The following ATF1 variants were observed in gnomAD, a reference collection of about 807,000 sequenced individuals.
ATF1 encodes cyclic AMP-dependent transcription factor ATF-1.
In ATF1, 16 loss-of-function variants were observed where a neutral mutation model predicts 34.7. The ratio of observed to expected loss-of-function variants is 0.46; its 90% confidence interval spans 0.31 to 0.70. The LOEUF (loss-of-function observed/expected upper bound fraction) is 0.70, where lower values mean the gene tolerates loss of function less well. ATF1 is among the 30% of genes least tolerant of loss of function. The probability of loss-of-function intolerance (pLI) is 0.05; values close to 1 mark genes in which losing one functional copy is unlikely to be tolerated. For missense variants in ATF1, 255 were observed against 321.6 expected (o/e 0.79, Z 1.58); for synonymous variants, 105 against 113.1 (o/e 0.93, Z 0.46).
chr12:50,780,663 A>AC (rs1555200094), intron 2 of ATF1, among the ~76,000 whole-genome samples: 22 of 151,780 alleles, frequency 1.4e-4, no homozygotes, highest in Middle Eastern at 3.4e-3. Context: ...AAAAAAAAAA[A>AC]AAAACAAAAC....
chr12:50,782,878 T>TG (rs1368876958), intron 2 of ATF1, among the ~76,000 whole-genome samples: 2 of 151,504 alleles, frequency 1.3e-5, no homozygotes, highest in Non-Finnish European at 2.9e-5. Context: ...TTAGTAGAGG[T>TG]GGGGTTTCAC....
intron 3 of ATF1, among the ~76,000 whole-genome samples, chr12:50,804,133 A>G (rs1418480173): frequency 6.6e-6 from 1 of 152,212 alleles, no homozygotes; most frequent in East Asian, 1.9e-4. Context: ...AAAAAGACAA[A>G]GATTATTAGA....
chr12:50,774,811 G>C (rs1223875745), intron 1 of ATF1, among the ~76,000 whole-genome samples: 1 of 148,238 alleles, frequency 6.7e-6, no homozygotes, highest in African/African-American at 2.5e-5. Context: ...CCAGTGGCTT[G>C]ATCTCGGCTC....
intron 2 of ATF1, among the ~76,000 whole-genome samples, chr12:50,789,009 C>T (rs1292902315): frequency 6.6e-6 from 1 of 152,072 alleles, no homozygotes; most frequent in Non-Finnish European, 1.5e-5. Flanking sequence ...AAGTTTCATT[C>T]AGGCATGCGT....
At chr12:50,817,448 A>C (rs1592206559) in intron 6 of ATF1, among the ~76,000 whole-genome samples, 1 of 152,344 alleles carries the variant, frequency 6.6e-6, no homozygotes, top group South Asian at 2.1e-4. Flanking sequence ...TAATTTTAGA[A>C]AATAAATGAT....
At chr12:50,793,035 A>AGCTC (rs1941338328) in intron 2 of ATF1, among the ~76,000 whole-genome samples, 1 of 152,120 alleles carries the variant, frequency 6.6e-6, no homozygotes, top group South Asian at 2.1e-4. Context: ...TTTTAGAAGC[A>AGCTC]GCTCTCCTAG....
chr12:50,807,902 C>T (rs12309321), intron 3 of ATF1, among the ~76,000 whole-genome samples: 7,469 of 151,742 alleles, frequency 0.049, 599 homozygotes, highest in African/African-American at 0.17. Flanking sequence ...CTCCACCTCC[C>T]GGGTTCAAGC....
chr12:50,779,175 G>C (rs761555002), intron 1 of ATF1, among the ~76,000 whole-genome samples: 3 of 152,158 alleles, frequency 2.0e-5, no homozygotes, highest in Non-Finnish European at 2.9e-5. Context: ...ATGAATATTT[G>C]GGTTGCTTCC....
chr12:50,806,471 C>A, intron 3 of ATF1: 1 of 292,640 alleles, frequency 3.4e-6, no homozygotes, highest in South Asian at 3.1e-5. Context: ...GGGCTTTGCT[C>A]CAGCAGATCC....
chr12:50,791,510 G>A (rs1269613899), intron 2 of ATF1, among the ~76,000 whole-genome samples: 2 of 151,790 alleles, frequency 1.3e-5, no homozygotes, highest in Non-Finnish European at 2.9e-5. Flanking sequence ...AGTCTAGATC[G>A]TGCTACTTCA....
intron 3 of ATF1, among the ~76,000 whole-genome samples, chr12:50,802,388 G>T (rs994427402): frequency 1.3e-5 from 2 of 152,080 alleles, no homozygotes; most frequent in Admixed American, 1.3e-4. Context: ...AGCCAGGCCT[G>T]GTGGCACGCG....
At chr12:50,784,105 G>A (rs558128362) in intron 2 of ATF1, among the ~76,000 whole-genome samples, 1 of 152,000 alleles carries the variant, frequency 6.6e-6, no homozygotes, top group Non-Finnish European at 1.5e-5. Context: ...CAAGGCTGCA[G>A]TGAGCCGTGA....
chr12:50,776,241 G>A (rs936100377), intron 1 of ATF1, among the ~76,000 whole-genome samples: 2 of 151,110 alleles, frequency 1.3e-5, no homozygotes, highest in Non-Finnish European at 1.5e-5. Flanking sequence ...GTGTGAACCC[G>A]GGAGGTGGAG....
At chr12:50,775,770 T>C (rs900129179) in intron 1 of ATF1, 1 of 152,210 alleles carries the variant, frequency 6.6e-6, no homozygotes, top group Non-Finnish European at 1.5e-5. Context: ...TGCTCTGTAT[T>C]CTAATTTATG....
At chr12:50,779,415 CTT>C (rs1189416831) in intron 1 of ATF1, among the ~76,000 whole-genome samples, 4 of 152,178 alleles carry the variant, frequency 2.6e-5, no homozygotes, top group Non-Finnish European at 5.9e-5. Flanking sequence ...CTTGCCAACA[CTT>C]AGTATTTTCT....
At chr12:50,809,027 C>T (rs1319848299) in intron 3 of ATF1, among the ~76,000 whole-genome samples, 1 of 152,098 alleles carries the variant, frequency 6.6e-6, no homozygotes, top group African/African-American at 2.4e-5. Flanking sequence ...TGTGAGCCAC[C>T]ATGACTGGCC....
At chr12:50,768,396 G>A (rs1940690968) in intron 1 of ATF1, among the ~76,000 whole-genome samples, 1 of 152,202 alleles carries the variant, frequency 6.6e-6, no homozygotes, top group Non-Finnish European at 1.5e-5. Context: ...TTATTAAAGA[G>A]TGCTATGGTT....
intron 1 of ATF1, among the ~76,000 whole-genome samples, chr12:50,766,751 G>T (rs1940646575): frequency 6.6e-6 from 1 of 151,272 alleles, no homozygotes; most frequent in Non-Finnish European, 1.5e-5. Context: ...TTCATTGTCG[G>T]CTGCAATGAG....
chr12:50,809,093 G>T lies in ATF1; in HGVS notation c.195-363G>T, dbSNP rs563542683. ...AAAGTTTTAGGAATTTCTTTTTGTG[G>T]CCGGGCATGGTGGCACATGCCTGTA... On this transcript the variant is annotated intron_variant, in intron 3 of 6. Transcript: ENST00000262053. Among the ~76,000 whole-genome samples the T allele has an allele frequency of 1.2e-4, 18 of 152,056 alleles. No individual in the cohort carries two copies. The South Asian group carries it at 3.7e-3, about 32-fold the overall frequency.
Sources: allele counts gnomAD v4.1 joint callset (sites outside exome capture counted in the v4.1 genomes callset), GRCh38; gene constraint gnomAD v4.1.1; transcripts MANE v1.5; gene names NCBI Gene and HGNC (gene_info 2026-07-23, HGNC 2026-07-21).